WWOX: variants seen among roughly 807,000 people sequenced by gnomAD.
The protein encoded by WWOX is WW domain-containing oxidoreductase.
Under a neutral mutation model 46.2 loss-of-function variants are expected in WWOX, and 69 were observed. The observed-to-expected ratio is 1.49, with a 90% CI of 1.23 to 1.82. The LOEUF is 1.82. Ranked by LOEUF, WWOX falls within the 40% of genes most tolerant of loss-of-function variation. The probability of loss-of-function intolerance (pLI) is 0.00; values close to 1 mark genes in which losing one functional copy is unlikely to be tolerated. For synonymous variants in WWOX, 359 were observed against 202.6 expected (o/e 1.77, Z -6.56); for missense variants, 919 against 542.6 (o/e 1.69, Z -6.89).
At chr16:78,830,650 C>G (rs974294668) in intron 8 of WWOX, among the ~76,000 whole-genome samples, 18 of 151,810 alleles carry the variant, frequency 1.2e-4, no homozygotes, top group African/African-American at 2.9e-4. Context: ...ATTTTCCTAA[C>G]AAAATTTCTG....
intron 8 of WWOX, among the ~76,000 whole-genome samples, chr16:78,565,351 C>T (rs1322733916): frequency 6.6e-6 from 1 of 152,234 alleles, no homozygotes; most frequent in African/African-American, 2.4e-5. Flanking sequence ...CTTCTGGAGG[C>T]TCTAGGGGAG....
intron 8 of WWOX, among the ~76,000 whole-genome samples, chr16:78,732,567 C>G (rs1242499482): frequency 3.9e-5 from 6 of 152,032 alleles, no homozygotes; most frequent in Non-Finnish European, 8.8e-5. Flanking sequence ...ACTTCAAAGT[C>G]TTTGGGTAAT....
intron 4 of WWOX, among the ~76,000 whole-genome samples, chr16:78,125,548 A>G (rs1408971671): frequency 1.3e-5 from 2 of 152,116 alleles, no homozygotes; most frequent in Non-Finnish European, 1.5e-5. Flanking sequence ...TCCAGACTGC[A>G]TTGGATCCTG....
intron 5 of WWOX, among the ~76,000 whole-genome samples, chr16:78,279,888 C>T (rs1028532602): frequency 5.5e-4 from 83 of 152,280 alleles, no homozygotes; most frequent in African/African-American, 1.9e-3. Context: ...GTCCTGGGAC[C>T]CAGGTGTGAG....
chr16:79,002,454 C>T (rs1278747761), intron 8 of WWOX, among the ~76,000 whole-genome samples: 1 of 152,016 alleles, frequency 6.6e-6, no homozygotes, highest in Non-Finnish European at 1.5e-5. Flanking sequence ...AACTCCTGAC[C>T]TCAGGTGATC....
chr16:78,762,633 A>T (rs930768885), intron 8 of WWOX, among the ~76,000 whole-genome samples: 2 of 152,198 alleles, frequency 1.3e-5, no homozygotes, highest in African/African-American at 4.8e-5. Flanking sequence ...GGTGCTTCCC[A>T]GGGAGACTGC....
intron 8 of WWOX, among the ~76,000 whole-genome samples, chr16:78,509,131 A>G (rs1376453891): frequency 2.0e-5 from 3 of 152,184 alleles, no homozygotes; most frequent in African/African-American, 4.8e-5. Context: ...GACAATGACA[A>G]AGTTATTCAA....
chr16:78,409,466 G>C (rs2082624590), intron 6 of WWOX, among the ~76,000 whole-genome samples: 3 of 152,018 alleles, frequency 2.0e-5, no homozygotes, highest in Non-Finnish European at 4.4e-5. Flanking sequence ...GAAATATTCT[G>C]GGTGTCGCTT....
At chr16:78,331,999 C>T (rs764007446) in intron 5 of WWOX, among the ~76,000 whole-genome samples, 3 of 152,122 alleles carry the variant, frequency 2.0e-5, no homozygotes, top group Admixed American at 6.5e-5. Flanking sequence ...ACATCAGAGC[C>T]GAGGAAGGTC....
At chr16:78,928,624 A>G (rs1203182763) in intron 8 of WWOX, among the ~76,000 whole-genome samples, 1 of 152,070 alleles carries the variant, frequency 6.6e-6, no homozygotes, top group South Asian at 2.1e-4. Context: ...AATAGATGAA[A>G]TGAAAGAAAT....
chr16:78,455,660 A>G (rs1166581421), intron 8 of WWOX, among the ~76,000 whole-genome samples: 1 of 151,290 alleles, frequency 6.6e-6, no homozygotes, highest in Non-Finnish European at 1.5e-5. Context: ...AAAAAAAAAA[A>G]AAAAAAAAAA....
At chr16:78,792,015 T>A (rs1239852428) in intron 8 of WWOX, among the ~76,000 whole-genome samples, 1 of 152,148 alleles carries the variant, frequency 6.6e-6, no homozygotes, top group African/African-American at 2.4e-5. Flanking sequence ...GTACTGGACA[T>A]TCCCTTATTT....
intron 8 of WWOX, among the ~76,000 whole-genome samples, chr16:78,945,313 A>G (rs1193467944): frequency 6.6e-6 from 1 of 152,186 alleles, no homozygotes; most frequent in Non-Finnish European, 1.5e-5. Context: ...GAGCAATTTG[A>G]TTTGATTGAT....
chr16:79,073,862 G>C (rs920911276), intron 8 of WWOX, among the ~76,000 whole-genome samples: 8 of 152,114 alleles, frequency 5.3e-5, no homozygotes, highest in African/African-American at 1.9e-4. Flanking sequence ...GCTTATGTCT[G>C]TTCCAGGTAG....
intron 8 of WWOX, among the ~76,000 whole-genome samples, chr16:79,116,164 G>T (rs1436159671): frequency 6.6e-6 from 1 of 152,192 alleles, no homozygotes; most frequent in Non-Finnish European, 1.5e-5. Context: ...CTGGTGGAGG[G>T]TCTTGCCTTG....
Position 78,499,705 on chromosome 16 carries a change from A to C in WWOX, c.1056+66953A>C, listed in dbSNP as rs555970871. Among the ~76,000 whole-genome samples the C allele has an allele frequency of 2.6e-5, 4 of 151,908 alleles. No individual in the cohort carries two copies. In the East Asian group the frequency reaches 7.8e-4, roughly 29 times the overall value. ...TCCTTAAGGATAAGAACCATGTCTTATTTTTTTTAATCTGTAGCTCCAGTA... is the reference window on the plus strand; with the variant it reads ...TCCTTAAGGATAAGAACCATGTCTTCTTTTTTTTAATCTGTAGCTCCAGTA... On this transcript the variant is annotated intron_variant, in intron 8 of 8. Transcript: ENST00000566780.
chr16:78,365,172 A>C (rs1045463705), intron 5 of WWOX, among the ~76,000 whole-genome samples: 2 of 152,206 alleles, frequency 1.3e-5, no homozygotes, highest in Admixed American at 6.5e-5. Flanking sequence ...GGAAGAAATA[A>C]ATGTTAATGC....
At chr16:78,571,030 A>G (rs943096626) in intron 8 of WWOX, among the ~76,000 whole-genome samples, 1 of 152,200 alleles carries the variant, frequency 6.6e-6, no homozygotes, top group African/African-American at 2.4e-5. Flanking sequence ...TGTTCATGTA[A>G]TCTGTGATTT....
At chr16:78,244,700 C>G (rs2037762314) in intron 5 of WWOX, among the ~76,000 whole-genome samples, 1 of 152,202 alleles carries the variant, frequency 6.6e-6, no homozygotes, top group African/African-American at 2.4e-5. Flanking sequence ...AGGGCTTAGC[C>G]TTCGAGCAGT....
Sources: gnomAD v4.1 joint callset for allele counts (sites outside exome capture counted in the v4.1 genomes callset) on GRCh38, gnomAD v4.1.1 for gene constraint, MANE v1.5 for transcripts, NCBI Gene and HGNC (gene_info 2026-07-23, HGNC 2026-07-21) for gene names.